The following IGSF9B variants were observed in gnomAD, a reference collection of about 807,000 sequenced individuals.
The protein encoded by IGSF9B is immunoglobulin superfamily member 9B, also known as protein turtle homolog B.
A neutral mutation model predicts 143.7 loss-of-function variants in IGSF9B; 48 were observed. That is an observed-to-expected ratio of 0.33 (90% confidence interval 0.26 to 0.42). The LOEUF (loss-of-function observed/expected upper bound fraction) is 0.42, where lower values mean the gene tolerates loss of function less well. Ranked by LOEUF, IGSF9B falls within the 20% of genes least tolerant of loss-of-function variation. The probability of loss-of-function intolerance (pLI) is 1.00; values close to 1 mark genes in which losing one functional copy is unlikely to be tolerated. For synonymous variants in IGSF9B, 903 were observed against 833.1 expected, an observed-to-expected ratio of 1.08 and a Z score of -1.44; for missense variants, 1,706 against 1,980.0, an observed-to-expected ratio of 0.86 and a Z score of 2.63.
intron 2 of IGSF9B, among the ~76,000 whole-genome samples, chr11:133,944,939 G>A (rs1940019370): frequency 6.6e-6 from 1 of 152,124 alleles, no homozygotes; most frequent in Non-Finnish European, 1.5e-5. Flanking sequence ...GAGAGACTAT[G>A]TATCCTACCA....
At chr11:133,941,079 ATTACT>A (rs1283116916) in intron 3 of IGSF9B, among the ~76,000 whole-genome samples, 1 of 152,234 alleles carries the variant, frequency 6.6e-6, no homozygotes, top group Non-Finnish European at 1.5e-5. Flanking sequence ...TAATTACATA[ATTACT>A]TTATTATTTA....
At chr11:133,940,483 CAGAA>C in intron 3 of IGSF9B, among the ~76,000 whole-genome samples, 1 of 137,690 alleles carries the variant, frequency 7.3e-6, no homozygotes, top group East Asian at 2.4e-4. Context: ...TCATCGCATA[CAGAA>C]ACATACACCT....
intron 19 of IGSF9B, among the ~76,000 whole-genome samples, chr11:133,911,647 G>C (rs1939303080): frequency 6.6e-6 from 1 of 152,192 alleles, no homozygotes; most frequent in Admixed American, 6.5e-5. Context: ...AGGGCAATCA[G>C]ATAGATTTCC....
intron 19 of IGSF9B, among the ~76,000 whole-genome samples, chr11:133,910,612 C>T (rs1378931767): frequency 2.6e-5 from 4 of 151,998 alleles, no homozygotes; most frequent in South Asian, 2.1e-4. Context: ...CTTTAGACAT[C>T]GTAAAGGCGT....
intron 3 of IGSF9B, among the ~76,000 whole-genome samples, chr11:133,941,241 T>C (rs1265487301): frequency 6.6e-6 from 1 of 152,204 alleles, no homozygotes; most frequent in African/African-American, 2.4e-5. Flanking sequence ...TAATTAATAG[T>C]GCAGGTTAGA....
chr11:133,927,810 TG>T (rs1286392655), intron 12 of IGSF9B, among the ~76,000 whole-genome samples: 1 of 152,178 alleles, frequency 6.6e-6, no homozygotes, highest in African/African-American at 2.4e-5. Flanking sequence ...CCTGTGGGAC[TG>T]GCCCTCTCCT....
At chr11:133,935,952 C>T in intron 6 of IGSF9B, 101 bp downstream of exon 6, 2 of 1,464,608 alleles carry the variant, frequency 1.4e-6, no homozygotes, top group East Asian at 2.4e-5. Flanking sequence ...CCCCCAGCTC[C>T]AAGAGCCACG....
At chr11:133,930,775 T>C (rs1400316389) in intron 11 of IGSF9B, among the ~76,000 whole-genome samples, 1 of 152,220 alleles carries the variant, frequency 6.6e-6, no homozygotes, top group Non-Finnish European at 1.5e-5. Flanking sequence ...AAGACCTCCC[T>C]GAGGACAGGA....
chr11:133,947,782 G>A (rs1278266937), intron 1 of IGSF9B, among the ~76,000 whole-genome samples: 1 of 148,316 alleles, frequency 6.7e-6, no homozygotes, highest in Non-Finnish European at 1.5e-5. Flanking sequence ...TGGTTCCTCT[G>A]TGTGTCTGTC....
intron 11 of IGSF9B, among the ~76,000 whole-genome samples, chr11:133,930,526 G>A (rs1024134359): frequency 5.9e-5 from 9 of 152,272 alleles, no homozygotes; most frequent in Admixed American, 2.0e-4. Flanking sequence ...AATCGGAAAC[G>A]GGAACGCCCA....
intron 18 of IGSF9B, among the ~76,000 whole-genome samples, chr11:133,916,386 A>G (rs1456270226): frequency 1.3e-5 from 2 of 152,222 alleles, no homozygotes; most frequent in Non-Finnish European, 2.9e-5. Flanking sequence ...GAGCTGTCAC[A>G]ACTTCTCCAA....
chr11:133,944,119 G>A (rs994419298), intron 3 of IGSF9B, 101 bp downstream of exon 3: 22 of 1,281,788 alleles, frequency 1.7e-5, no homozygotes, highest in Non-Finnish European at 2.0e-5. Context: ...GGGGTGAGAT[G>A]CAGTTGGGAG....
chr11:133,926,852 C>A (rs1939634777), intron 13 of IGSF9B, 64 bp downstream of exon 13: 1 of 1,412,160 alleles, frequency 7.1e-7, no homozygotes, highest in Non-Finnish European at 9.7e-7. Flanking sequence ...GCTATAGCTG[C>A]CTGGGCCACC....
rs769322562 is a variant in IGSF9B, at chr11:133,945,466, A to G, written c.262+595T>C. 1.8e-4 allele frequency among the ~76,000 whole-genome samples: 28 copies of G among 152,122 alleles called. No homozygotes were observed. The highest frequency in any genetic ancestry group is 3.3e-4 in the Admixed American group (5 of 15,272). On this transcript the variant is annotated intron_variant, in intron 2 of 19. Coordinates refer to ENST00000533871, the MANE Select transcript of IGSF9B (RefSeq NM_001277285.4). The surrounding 1 kb of genome is among the most constrained non-coding windows in gnomAD (Gnocchi z 4.6). ...ACAACGCTCGCTCAATGACACGCACACGCACGCACACACACACCCACGCCC... is the reference window on the plus strand; with the variant it reads ...ACAACGCTCGCTCAATGACACGCACGCGCACGCACACACACACCCACGCCC...
In IGSF9B at chr11:133,931,409, C is replaced by G. The variant is rs768917598; in HGVS notation, c.1368+44G>C. On this transcript the variant is annotated intron_variant, in intron 10 of 19. Transcript: ENST00000533871. The surrounding 1 kb of genome is among the most constrained non-coding windows in gnomAD (Gnocchi z 7.7). ...CCCCGCAGCCCCAGGGCTCCCTGGG[C>G]CCTCACACCTCCCTGCAGACCCAGG... The G allele has an allele frequency of 1.4e-6, 2 of 1,412,796 alleles. No individual in the cohort carries two copies. Among genetic ancestry groups the G allele is most frequent in the South Asian group, 2.4e-5 (2 of 84,690 alleles). 87.5% of individuals were successfully genotyped at this position (1,412,796 alleles called of 1,614,324 possible). A position where few individuals can be genotyped will look rare whatever the true frequency, so the allele number is the denominator to read the frequency against.
chr11:133,898,084 A>G lies in IGSF9B; in HGVS notation c.*10985T>C, dbSNP rs1939050225. The G allele has an allele frequency of 6.6e-6, 1 of 152,236 alleles. No homozygotes were observed. The allele number at this position is 152,236 out of a possible 1,614,324, so 9.4% of individuals were successfully genotyped here. A position where few individuals can be genotyped will look rare whatever the true frequency, so the allele number is the denominator to read the frequency against. Reference sequence around the variant, plus strand: ...AACTGGCCTCTTCGAGAACAGCACCATGAAGCACCCTAGCGCAGTGATGTT... The same window carrying G: ...AACTGGCCTCTTCGAGAACAGCACCGTGAAGCACCCTAGCGCAGTGATGTT... On this transcript the variant is annotated 3_prime_UTR_variant, in exon 20 of 20. Coordinates refer to ENST00000533871, the MANE Select transcript of IGSF9B (RefSeq NM_001277285.4).
At chr11:133,922,943 G>GAT (rs1316465574) in intron 15 of IGSF9B, among the ~76,000 whole-genome samples, 1 of 152,200 alleles carries the variant, frequency 6.6e-6, no homozygotes, top group Non-Finnish European at 1.5e-5. Context: ...TCTCCAAAGG[G>GAT]TGTAAAGAAG....
In IGSF9B at chr11:133,919,728, G is replaced by C; in HGVS notation, c.3983+14C>G. 1.4e-6 allele frequency: 2 copies of C among 1,398,812 alleles called. No individual in the cohort carries two copies. The highest frequency in any genetic ancestry group is 1.8e-5 in the South Asian group (1 of 54,506). The allele number at this position is 1,398,812 out of a possible 1,614,324, so 86.7% of individuals were successfully genotyped here. A position where few individuals can be genotyped will look rare whatever the true frequency, so the allele number is the denominator to read the frequency against. ...TTGCCCAGGTGCGGGTGGCGGAAGA[G>C]GCGGCGCACTCACCCTGAAGTAGGT... On this transcript the variant is annotated intron_variant, in intron 18 of 19. Transcript: ENST00000533871.
intron 7 of IGSF9B, 104 bp downstream of exon 7, chr11:133,935,513 C>A (rs983564775): frequency 1.0e-5 from 13 of 1,287,604 alleles, no homozygotes; most frequent in Non-Finnish European, 1.3e-5. Context: ...ACCTACATGC[C>A]CCCAAATGAT....
Sources: gnomAD v4.1 joint callset for allele counts (sites outside exome capture counted in the v4.1 genomes callset) on GRCh38, gnomAD v4.1.1 for gene constraint, Gnocchi (gnomAD v3.1) non-coding constraint, MANE v1.5 for transcripts, NCBI Gene and HGNC (gene_info 2026-07-23, HGNC 2026-07-21) for gene names.